Variants in STPG2 observed in about 807,000 individuals in gnomAD.
The protein encoded by STPG2 is sperm-tail PG-rich repeat-containing protein 2.
In STPG2, 56 loss-of-function variants were observed where a neutral mutation model predicts 54.2. The ratio of observed to expected loss-of-function variants is 1.03; its 90% CI spans 0.83 to 1.29. The LOEUF is 1.29. Among genes scored for constraint, STPG2 ranks in the 50% most tolerant of loss-of-function variants. The pLI is 0.00. For synonymous variants in STPG2, 200 were observed against 181.8 expected (o/e 1.10, Z -0.81); for missense variants, 596 against 544.9 (o/e 1.09, Z -0.93).
At chr4:97,457,905 A>T (rs1163287887) in intron 4 of STPG2, among the ~76,000 whole-genome samples, 1 of 152,236 alleles carries the variant, frequency 6.6e-6, no homozygotes, top group African/African-American at 2.4e-5. Context: ...GGTGGCAGTG[A>T]TGAAAGAACT....
intron 10 of STPG2, among the ~76,000 whole-genome samples, chr4:97,591,690 A>G (rs1049927994): frequency 1.3e-5 from 2 of 152,142 alleles, no homozygotes; most frequent in Non-Finnish European, 2.9e-5. Flanking sequence ...CACTGCAACC[A>G]AATTGGTTTT....
chr4:98,080,463 T>G (rs1026849517), intron 5 of STPG2, among the ~76,000 whole-genome samples: 1 of 152,160 alleles, frequency 6.6e-6, no homozygotes, highest in Non-Finnish European at 1.5e-5. Flanking sequence ...CCACTTATTC[T>G]TACAGCAAAT....
chr4:97,901,111 T>C (rs977141940), intron 8 of STPG2, among the ~76,000 whole-genome samples: 2 of 152,000 alleles, frequency 1.3e-5, no homozygotes, highest in African/African-American at 4.8e-5. Flanking sequence ...TATGGAAGAC[T>C]TGAATAACAG....
chr4:97,644,197 T>C (rs1721843860), intron 10 of STPG2, among the ~76,000 whole-genome samples: 1 of 151,882 alleles, frequency 6.6e-6, no homozygotes, highest in African/African-American at 2.4e-5. Flanking sequence ...TTATATATTA[T>C]TTAAGAGAAG....
intron 10 of STPG2, among the ~76,000 whole-genome samples, chr4:97,703,601 T>G: frequency 1.3e-5 from 1 of 78,822 alleles, no homozygotes. Context: ...ATACTATAAG[T>G]AGTGTATAGT....
At chr4:97,641,398 T>G (rs188863812) in intron 10 of STPG2, among the ~76,000 whole-genome samples, 28 of 150,912 alleles carry the variant, frequency 1.9e-4, no homozygotes, top group Admixed American at 1.6e-3. Context: ...TCAACATTAA[T>G]GATACATCAT....
At chr4:98,021,147 T>C (rs1319515356) in intron 5 of STPG2, among the ~76,000 whole-genome samples, 3 of 149,656 alleles carry the variant, frequency 2.0e-5, no homozygotes, top group African/African-American at 5.0e-5. Context: ...CTTTCTCTTG[T>C]GGGCATTTAG....
At chr4:97,995,539 G>C (rs1735176282) in intron 5 of STPG2, among the ~76,000 whole-genome samples, 2 of 151,900 alleles carry the variant, frequency 1.3e-5, no homozygotes, top group Non-Finnish European at 2.9e-5. Context: ...AAACTAAGAT[G>C]GCTGACTAGA....
At chr4:97,509,630 A>G (rs933190463) in intron 4 of STPG2, among the ~76,000 whole-genome samples, 2 of 152,098 alleles carry the variant, frequency 1.3e-5, no homozygotes, top group African/African-American at 4.8e-5. Flanking sequence ...TACTCACGGA[A>G]ATTGATTTTA....
At chr4:97,556,926 G>C (rs751737253), downstream of STPG2, among the ~76,000 whole-genome samples, 1 of 152,178 alleles carries the variant, frequency 6.6e-6, no homozygotes, top group Non-Finnish European at 1.5e-5. Flanking sequence ...GCTCATGCCT[G>C]TAATCCCAGC....
chr4:97,639,654 A>T (rs1280114785), intron 10 of STPG2, among the ~76,000 whole-genome samples: 1 of 152,120 alleles, frequency 6.6e-6, no homozygotes, highest in Non-Finnish European at 1.5e-5. Context: ...TTATAAATAT[A>T]TAATATTGAA....
At chr4:97,929,534 A>T (rs537520706) in intron 8 of STPG2, among the ~76,000 whole-genome samples, 1 of 152,276 alleles carries the variant, frequency 6.6e-6, no homozygotes, top group South Asian at 2.1e-4. Context: ...CCTCACTAGA[A>T]TCTTTTATTT....
Position 98,143,141 on chromosome 4 carries a change from GATCATACAT to G in STPG2, c.1_9del (p.MetTyrAsp1_?3), listed in dbSNP as rs1553946100. The G allele has an allele frequency of 2.5e-6, 4 of 1,613,064 alleles. No homozygotes were observed. Among genetic ancestry groups the G allele is most frequent in the Non-Finnish European group, 3.4e-6 (4 of 1,179,492 alleles). On this transcript the variant is annotated start_lost and inframe_deletion, in exon 1 of 11. Transcript: ENST00000295268. The stretch of plus-strand genomic sequence containing the variant: ...GCCAATTTGAGCAGGCGGGGAGCCC[GATCATACAT>G]AGTGCTCGGGGTGGTGGGGGCGCTG...
chr4:97,774,085 A>C (rs1168808007), intron 9 of STPG2, among the ~76,000 whole-genome samples: 1 of 151,832 alleles, frequency 6.6e-6, no homozygotes, highest in Non-Finnish European at 1.5e-5. Flanking sequence ...CTCCCATTTT[A>C]AGCAAACTGG....
intron 8 of STPG2, among the ~76,000 whole-genome samples, chr4:97,899,277 A>C (rs1244441731): frequency 6.6e-6 from 1 of 151,992 alleles, no homozygotes; most frequent in Non-Finnish European, 1.5e-5. Flanking sequence ...GAGGTGAAAT[A>C]TCTCTACAAT....
At chr4:97,965,352 C>T (rs1207599227) in intron 7 of STPG2, among the ~76,000 whole-genome samples, 1 of 152,210 alleles carries the variant, frequency 6.6e-6, no homozygotes, top group Non-Finnish European at 1.5e-5. Context: ...TCAAACTGGG[C>T]AGAGACCACT....
At chr4:97,630,305 T>C (rs897846512) in intron 10 of STPG2, among the ~76,000 whole-genome samples, 1 of 151,904 alleles carries the variant, frequency 6.6e-6, no homozygotes, top group Non-Finnish European at 1.5e-5. Flanking sequence ...TGGTTATTTT[T>C]AATATACTTT....
intron 9 of STPG2, among the ~76,000 whole-genome samples, chr4:97,837,269 T>C (rs1287565537): frequency 1.3e-4 from 20 of 151,674 alleles, no homozygotes; most frequent in Non-Finnish European, 3.0e-4. Flanking sequence ...CATGAATGCT[T>C]GAAACATTTT....
At chr4:97,479,130 G>T (rs1051328215) in intron 4 of STPG2, among the ~76,000 whole-genome samples, 1 of 151,598 alleles carries the variant, frequency 6.6e-6, no homozygotes, top group Non-Finnish European at 1.5e-5. Flanking sequence ...GTGTGGTTAT[G>T]CATGTGTATA....
Sources: allele counts gnomAD v4.1 joint callset (sites outside exome capture counted in the v4.1 genomes callset), GRCh38; gene constraint gnomAD v4.1.1; transcripts MANE v1.5; gene names NCBI Gene and HGNC (gene_info 2026-07-23, HGNC 2026-07-21).